The following CTNNA3 variants were observed in gnomAD, a reference collection of about 807,000 sequenced individuals.
The protein encoded by CTNNA3 is catenin alpha 3.
A neutral mutation model predicts 95.7 loss-of-function variants in CTNNA3; 76 were observed. That is an observed-to-expected ratio of 0.79 (90% CI 0.66 to 0.96). The LOEUF (loss-of-function observed/expected upper bound fraction) is 0.96. CTNNA3 is among the 40% of genes least tolerant of loss of function. The pLI is 0.00. For synonymous variants in CTNNA3, 431 were observed against 374.4 expected, an observed-to-expected ratio of 1.15 and a Z score of -1.74; for missense variants, 1,191 against 1,089.8, an observed-to-expected ratio of 1.09 and a Z score of -1.31.
intron 12 of CTNNA3, among the ~76,000 whole-genome samples, chr10:66,296,987 G>A (rs938615892): frequency 6.6e-6 from 1 of 151,956 alleles, no homozygotes. Flanking sequence ...TCTTTTTCTT[G>A]TCCACTTTCT....
chr10:67,494,294 T>C (rs1838956285), intron 5 of CTNNA3, among the ~76,000 whole-genome samples: 1 of 152,238 alleles, frequency 6.6e-6, no homozygotes, highest in South Asian at 2.1e-4. Context: ...GTCACTGTAC[T>C]ATTTTGGTTA....
intron 10 of CTNNA3, among the ~76,000 whole-genome samples, chr10:66,580,293 TA>T (rs1255753950): frequency 6.6e-6 from 1 of 151,784 alleles, no homozygotes; most frequent in Non-Finnish European, 1.5e-5. Flanking sequence ...TTTTAATTTT[TA>T]TGGCTACATA....
intron 7 of CTNNA3, among the ~76,000 whole-genome samples, chr10:66,808,221 C>T (rs1249863649): frequency 6.6e-6 from 1 of 152,084 alleles, no homozygotes; most frequent in Non-Finnish European, 1.5e-5. Context: ...TTTACTCAAG[C>T]TGCATCCAAA....
chr10:66,155,033 A>T (rs1419589040), intron 13 of CTNNA3, among the ~76,000 whole-genome samples: 1 of 151,692 alleles, frequency 6.6e-6, no homozygotes, highest in Non-Finnish European at 1.5e-5. Flanking sequence ...TAGCCATTAA[A>T]ACTTTATTTA....
At chr10:67,662,328 GCTCA>G (rs1840212677) in intron 1 of CTNNA3, among the ~76,000 whole-genome samples, 1 of 152,158 alleles carries the variant, frequency 6.6e-6, no homozygotes, top group South Asian at 2.1e-4. Flanking sequence ...ATGTGAATGT[GCTCA>G]CTCATTCTCT....
intron 2 of CTNNA3, among the ~76,000 whole-genome samples, chr10:67,637,851 C>T (rs1394551803): frequency 1.3e-5 from 2 of 152,160 alleles, no homozygotes; most frequent in African/African-American, 4.8e-5. Flanking sequence ...CCTAAAAGAG[C>T]TCCTGAAGGA....
At chr10:66,345,473 C>T (rs1230936437) in intron 12 of CTNNA3, among the ~76,000 whole-genome samples, 2 of 152,180 alleles carry the variant, frequency 1.3e-5, no homozygotes, top group Non-Finnish European at 2.9e-5. Flanking sequence ...CCATTTCATT[C>T]TGAAGGGAAT....
At chr10:67,016,346 C>T (rs934367579) in intron 7 of CTNNA3, among the ~76,000 whole-genome samples, 4 of 152,152 alleles carry the variant, frequency 2.6e-5, no homozygotes, top group Non-Finnish European at 5.9e-5. Flanking sequence ...ATTTTCTTAA[C>T]ATTGAAAGTA....
intron 1 of CTNNA3, among the ~76,000 whole-genome samples, chr10:67,745,414 A>T (rs938194570): frequency 3.3e-5 from 5 of 151,632 alleles, no homozygotes; most frequent in Non-Finnish European, 7.4e-5. Flanking sequence ...CAAGGACAAA[A>T]AACCAAACAC....
At chr10:67,479,689 G>A (rs1241605945) in intron 5 of CTNNA3, among the ~76,000 whole-genome samples, 1 of 151,836 alleles carries the variant, frequency 6.6e-6, no homozygotes, top group Non-Finnish European at 1.5e-5. Context: ...TGGAAAAACA[G>A]GAACAAACTA....
At chr10:66,845,703 CAAAAAAAAA>C (rs61085873) in intron 7 of CTNNA3, among the ~76,000 whole-genome samples, 5 of 23,548 alleles carry the variant, frequency 2.1e-4, no homozygotes, top group African/African-American at 3.1e-4. Flanking sequence ...AACTCTGTCT[CAAAAAAAAA>C]AAAAAAAAAA....
At chr10:67,237,144 A>ATATATG (rs1564502716) in intron 5 of CTNNA3, among the ~76,000 whole-genome samples, 2 of 71,522 alleles carry the variant, frequency 2.8e-5, no homozygotes, top group African/African-American at 1.7e-4. Flanking sequence ...ATATATATAT[A>ATATATG]TATATATATA....
At chr10:67,332,465 A>C (rs1841830070) in intron 5 of CTNNA3, among the ~76,000 whole-genome samples, 1 of 152,202 alleles carries the variant, frequency 6.6e-6, no homozygotes, top group South Asian at 2.1e-4. Flanking sequence ...CTGTAGAGAT[A>C]GATTTCTGTA....
intron 7 of CTNNA3, among the ~76,000 whole-genome samples, chr10:67,101,551 A>G (rs1400925886): frequency 6.6e-6 from 1 of 151,694 alleles, no homozygotes; most frequent in Non-Finnish European, 1.5e-5. Flanking sequence ...TGATCAACTC[A>G]TTTTTGTCAA....
chr10:66,838,725 T>C (rs1482101430), intron 7 of CTNNA3, among the ~76,000 whole-genome samples: 2 of 152,166 alleles, frequency 1.3e-5, no homozygotes, highest in South Asian at 2.1e-4. Context: ...TCCTGGTGCA[T>C]AGAACCTACT....
At chr10:67,484,885 C>A (rs1473845738) in intron 5 of CTNNA3, among the ~76,000 whole-genome samples, 1 of 152,174 alleles carries the variant, frequency 6.6e-6, no homozygotes, top group Admixed American at 6.6e-5. Flanking sequence ...TAAATTAGTT[C>A]AACCCCTGTG....
At chr10:67,179,028 G>A (rs1386274227) in intron 7 of CTNNA3, among the ~76,000 whole-genome samples, 1 of 152,072 alleles carries the variant, frequency 6.6e-6, no homozygotes, top group Non-Finnish European at 1.5e-5. Flanking sequence ...TTAAGAGTAT[G>A]AAGATACATC....
At chr10:66,954,834 C>T (rs1848707499) in intron 7 of CTNNA3, among the ~76,000 whole-genome samples, 1 of 152,058 alleles carries the variant, frequency 6.6e-6, no homozygotes, top group Non-Finnish European at 1.5e-5. Context: ...AGGCCTTGGG[C>T]TACAAGTAGA....
chr10:67,206,596 C>T (rs1863910726), intron 6 of CTNNA3, among the ~76,000 whole-genome samples: 1 of 150,504 alleles, frequency 6.6e-6, no homozygotes, highest in Non-Finnish European at 1.5e-5. Flanking sequence ...GGAAGAAAAA[C>T]AAAGAACAGG....
Sources: allele counts gnomAD v4.1 joint callset (sites outside exome capture counted in the v4.1 genomes callset), GRCh38; gene constraint gnomAD v4.1.1; transcripts MANE v1.5; gene names NCBI Gene and HGNC (gene_info 2026-07-23, HGNC 2026-07-21).